ZFAND2B: variants seen among roughly 807,000 people sequenced by gnomAD.
ZFAND2B encodes the protein zinc finger AN1-type containing 2B, also known as AN1-type zinc finger protein 2B.
A neutral mutation model predicts 38.2 loss-of-function variants in ZFAND2B; 27 were observed. That is an observed-to-expected ratio of 0.71 (90% CI 0.52 to 0.97). ZFAND2B has a LOEUF of 0.97. Among genes scored for constraint, ZFAND2B ranks in the 50% least tolerant of loss-of-function variants. ZFAND2B has a pLI of 0.00. For synonymous variants in ZFAND2B, 111 were observed against 119.4 expected, an observed-to-expected ratio of 0.93 and a Z score of 0.46; for missense variants, 303 against 331.5, an observed-to-expected ratio of 0.91 and a Z score of 0.67.
intron 3 of ZFAND2B, 37 bp from the exon 4 acceptor site, chr2:219,207,850 G>C (rs757809986): frequency 1.2e-6 from 2 of 1,613,692 alleles, no homozygotes; most frequent in Non-Finnish European, 1.7e-6. Context: ...CAGCTAATCA[G>C]AGTCTCAGCA....
chr2:219,206,973 C>G lies in ZFAND2B; in HGVS notation c.-15C>G. 1.2e-6 allele frequency: 2 copies of G among 1,612,324 alleles called. No homozygotes were observed. Among genetic ancestry groups the G allele is most frequent in the Non-Finnish European group, 1.7e-6 (2 of 1,179,396 alleles). Reference sequence around the variant, plus strand: ...CACTCGTCGCTTCTCCTAGCAGACCCTGCCCGGCTTGGCGATGGAGTTTCC... The same window carrying G: ...CACTCGTCGCTTCTCCTAGCAGACCGTGCCCGGCTTGGCGATGGAGTTTCC... On this transcript the variant is annotated 5_prime_UTR_variant, in exon 1 of 9. Transcript: ENST00000289528.
intron 1 of ZFAND2B, 52 bp from the exon 2 acceptor site, chr2:219,207,275 G>T: frequency 6.3e-7 from 1 of 1,576,858 alleles, no homozygotes; most frequent in South Asian, 1.1e-5. Flanking sequence ...TTGAGTGAGA[G>T]AGAAGGACAT....
At chr2:219,208,701 G>C in intron 7 of ZFAND2B, 62 bp downstream of exon 7, 1 of 1,590,580 alleles carries the variant, frequency 6.3e-7, no homozygotes, top group Non-Finnish European at 8.6e-7. Flanking sequence ...CTGGAGGCAG[G>C]TAGGTGGGAC....
At chr2:219,207,277 G>C (rs753296729) in intron 1 of ZFAND2B, 50 bp from the exon 2 acceptor site, 1 of 1,579,256 alleles carries the variant, frequency 6.3e-7, no homozygotes, top group South Asian at 1.1e-5. Flanking sequence ...GAGTGAGAGA[G>C]AAGGACATCG....
At chr2:219,208,908 C>A in intron 7 of ZFAND2B, 69 bp from the exon 8 acceptor site, 1 of 1,520,116 alleles carries the variant, frequency 6.6e-7, no homozygotes, top group Non-Finnish European at 9.1e-7. Flanking sequence ...TGAGGCCCAA[C>A]ACACACAGAT....
At chr2:219,207,120 TC>T in intron 1 of ZFAND2B, 78 bp downstream of exon 1, 2 of 954,416 alleles carry the variant, frequency 2.1e-6, no homozygotes, top group Non-Finnish European at 3.0e-6. Context: ...AAGGGTGGGC[TC>T]CCAGGCTGGC....
In ZFAND2B at chr2:219,208,497, C is replaced by G. The variant is rs369180992; in HGVS notation, c.588+11C>G. On this transcript the variant is annotated intron_variant, in intron 6 of 8. Transcript: ENST00000289528. ...TTGCAGAATGGCCTGGTGAGTTGGG[C>G]AGAGGTTGGATGGACAGAAACAAAC... 119 of 1,614,114 alleles carry G rather than the reference C, an allele frequency of 7.4e-5. No individual in the cohort carries two copies. Among genetic ancestry groups the G allele is most frequent in the Non-Finnish European group, 9.7e-5 (114 of 1,180,044 alleles).
In ZFAND2B at chr2:219,206,937, A is replaced by C; in HGVS notation, c.-51A>C. 6.2e-7 allele frequency: 1 copy of C among 1,601,008 alleles called. No individual in the cohort carries two copies. The highest frequency in any genetic ancestry group is 1.1e-5 in the South Asian group (1 of 89,822). ...GTGCGGACTTCGAGCACGAGCCCTA[A>C]AGACGCTCAGCACTCGTCGCTTCTC... On this transcript the variant is annotated 5_prime_UTR_variant, in exon 1 of 9. Coordinates refer to ENST00000289528, the MANE Select transcript of ZFAND2B (RefSeq NM_138802.3).
rs1950545205 is a variant in ZFAND2B, at chr2:219,209,497, T to G, written c.*191T>G. On this transcript the variant is annotated 3_prime_UTR_variant, in exon 9 of 9. Coordinates refer to ENST00000289528, the MANE Select transcript of ZFAND2B (RefSeq NM_138802.3). ...TGCATGGAAGAGAGCGGCTAGCAAC[T>G]GTTCCCTGGTTGGGCCCTCAGTGGA... 1 of 754,600 alleles carries G rather than the reference T, an allele frequency of 1.3e-6. No individual in the cohort carries two copies. Among genetic ancestry groups the G allele is most frequent in the Non-Finnish European group, 2.4e-6 (1 of 422,082 alleles). The allele number at this position is 754,600 out of a possible 1,614,324, so 46.7% of individuals were successfully genotyped here.
intron 2 of ZFAND2B, 45 bp downstream of exon 2, chr2:219,207,466 C>T (rs1950504368): frequency 1.3e-6 from 2 of 1,591,868 alleles, no homozygotes. Flanking sequence ...ATGGAGAATG[C>T]GTGCAGAATC....
intron 3 of ZFAND2B, 49 bp downstream of exon 3, chr2:219,207,828 T>TGGGACTAC: frequency 6.2e-7 from 1 of 1,613,438 alleles, no homozygotes; most frequent in Non-Finnish European, 8.5e-7. Flanking sequence ...TACGGATGCC[T>TGGGACTAC]GGAAACCCAA....
In ZFAND2B at chr2:219,207,918, G is replaced by C. The variant is rs1335713054; in HGVS notation, c.314G>C (p.Cys105Ser). 1 of 1,614,118 alleles carries C rather than the reference G, an allele frequency of 6.2e-7. No homozygotes were observed. The highest frequency in any genetic ancestry group is 8.5e-7 in the Non-Finnish European group (1 of 1,180,024). The change falls in exon 4 of 9, where the codon TGC (cysteine) becomes TCC (serine). Residue 105 changes from cysteine to serine, a missense_variant. Physicochemically the swap from Cys to Ser is moderately radical, Grantham distance 112. Transcript: ENST00000289528. ...IFTNKCERAG[C>S]RQREMMKLTC... ...ACCAATAAGTGTGAACGCGCTGGCT[G>C]CCGGCAGCGAGAAATGATGAAACTG...
intron 2 of ZFAND2B, 86 bp downstream of exon 2, chr2:219,207,507 CT>C: frequency 6.3e-7 from 1 of 1,583,798 alleles, no homozygotes; most frequent in Non-Finnish European, 8.7e-7. Context: ...TTTCTTCTCC[CT>C]TTTGTCCTTC....
At position 219,208,459 on chromosome 2, in the gene ZFAND2B, T is replaced by G. The variant is rs1316405128; in HGVS notation, c.561T>G (p.Pro187=). The change falls in exon 6 of 9, where the codon CCT becomes CCG. Residue 187 remains proline, a synonymous_variant. Coordinates refer to ENST00000289528, the MANE Select transcript of ZFAND2B (RefSeq NM_138802.3). ...CCCGATCTCCGTCCTGGACAGCCCCTCCAGTGATTGCTTTGCAGAATGGCC... is the reference window on the plus strand; with the variant it reads ...CCCGATCTCCGTCCTGGACAGCCCCGCCAGTGATTGCTTTGCAGAATGGCC... The part of the protein sequence containing the change: ...ATTRSPSWTA[P]PVIALQNGLS... The G allele has an allele frequency of 6.2e-7, 1 of 1,614,086 alleles. No homozygotes were observed. Among genetic ancestry groups the G allele is most frequent in the Admixed American group, 1.7e-5 (1 of 60,000 alleles).
In ZFAND2B at chr2:219,207,900, AGTGTGAACGCGCTGGCTGCCG is replaced by A; in HGVS notation, c.298_318del (p.Cys100_Arg106del). ...ACTTCACCTCAGATCTTCACCAATA[AGTGTGAACGCGCTGGCTGCCG>A]GCAGCGAGAAATGATGAAACTGACC... On this transcript the variant is annotated inframe_deletion, in exon 4 of 9. Transcript: ENST00000289528. The A allele has an allele frequency of 6.2e-7, 1 of 1,614,132 alleles. No homozygotes were observed. The highest frequency in any genetic ancestry group is 8.5e-7 in the Non-Finnish European group (1 of 1,180,018).
rs1559230957 is a variant in ZFAND2B, at chr2:219,207,060, C to T, written c.55+18C>T. On this transcript the variant is annotated intron_variant, in intron 1 of 8. Coordinates refer to ENST00000289528, the MANE Select transcript of ZFAND2B (RefSeq NM_138802.3). Reference sequence around the variant, plus strand: ...GCGCTTGGGTGAGGGGCGGAGCGCGCGGGGGGCGGGGCCCAGCGGACAGGG... The same window carrying T: ...GCGCTTGGGTGAGGGGCGGAGCGCGTGGGGGGCGGGGCCCAGCGGACAGGG... 2.2e-6 allele frequency: 3 copies of T among 1,391,356 alleles called. No individual in the cohort carries two copies. The highest frequency in any genetic ancestry group is 2.4e-5 in the South Asian group (2 of 84,770). The allele number at this position is 1,391,356 out of a possible 1,614,324, so 86.2% of individuals were successfully genotyped here.
chr2:219,208,679 C>T, intron 7 of ZFAND2B, 40 bp downstream of exon 7: 1 of 1,611,750 alleles, frequency 6.2e-7, no homozygotes, highest in Non-Finnish European at 8.5e-7. Flanking sequence ...AAGCTGTGGG[C>T]AAGGGCTTGG....
At position 219,209,258 on chromosome 2, in the gene ZFAND2B, C is replaced by CA; in HGVS notation, c.730-4_730-3insA. On this transcript the variant is annotated splice_polypyrimidine_tract_variant and splice_region_variant and intron_variant, in intron 8 of 8. Coordinates refer to ENST00000289528, the MANE Select transcript of ZFAND2B (RefSeq NM_138802.3). ...TTCCCCTCCTTCCCCTCTCTTTGCTCTAGGCCCAGAGCCGCAGCTCGAAGC... is the reference window on the plus strand; with the variant it reads ...TTCCCCTCCTTCCCCTCTCTTTGCTCATAGGCCCAGAGCCGCAGCTCGAAGC... 6.2e-7 allele frequency: 1 copy of CA among 1,607,652 alleles called. No homozygotes were observed. Among genetic ancestry groups the CA allele is most frequent in the Admixed American group, 1.7e-5 (1 of 59,546 alleles).
At chr2:219,208,089 C>T in intron 4 of ZFAND2B, 51 bp downstream of exon 4, 1 of 1,612,770 alleles carries the variant, frequency 6.2e-7, no homozygotes, top group Non-Finnish European at 8.5e-7. Flanking sequence ...TCTTTTGGAA[C>T]TGACTCAAGC....
Sources: gnomAD v4.1 joint callset for allele counts on GRCh38, gnomAD v4.1.1 for gene constraint, MANE v1.5 for transcripts, NCBI Gene and HGNC (gene_info 2026-07-23, HGNC 2026-07-21) for gene names.